FAT4: variants seen among roughly 807,000 people sequenced by gnomAD.
FAT4 encodes the protein protocadherin Fat 4.
In FAT4, 84 loss-of-function variants were observed where a neutral mutation model predicts 303.9. The observed-to-expected ratio is 0.28, with a 90% CI of 0.23 to 0.33. FAT4 has a LOEUF of 0.33. Among genes scored for constraint, FAT4 ranks in the 10% least tolerant of loss-of-function variants. The pLI, the probability that FAT4 is intolerant of heterozygous loss-of-function variation, is 1.00. For synonymous variants in FAT4, 2,307 were observed against 2,298.8 expected (o/e 1.00, Z -0.10); for missense variants, 6,005 against 6,146.8 (o/e 0.98, Z 0.77).
In FAT4 at chr4:125,453,050, G is replaced by A. The variant is rs1022786275; in HGVS notation, c.11800+240G>A. On this transcript the variant is annotated intron_variant, in intron 10 of 17. Coordinates refer to ENST00000394329, the MANE Select transcript of FAT4 (RefSeq NM_001291303.3). ...TTTTCCAGTTTCTATAGGCAAGGAAGTTGAAGTAGAGAGTAAGTAATTAGG... is the reference window on the plus strand; with the variant it reads ...TTTTCCAGTTTCTATAGGCAAGGAAATTGAAGTAGAGAGTAAGTAATTAGG... 3.3e-5 allele frequency among the ~76,000 whole-genome samples: 5 copies of A among 152,296 alleles called. No individual in the cohort carries two copies. The East Asian group carries it at 9.7e-4, about 29-fold the overall frequency.
chr4:125,337,472 C>A (rs1215428128), intron 2 of FAT4, among the ~76,000 whole-genome samples: 2 of 151,870 alleles, frequency 1.3e-5, no homozygotes, highest in Non-Finnish European at 1.5e-5. Flanking sequence ...CCTAAACTTG[C>A]CTCCTAATTA....
intron 2 of FAT4, among the ~76,000 whole-genome samples, chr4:125,397,639 T>G (rs13113598): frequency 6.6e-6 from 1 of 152,146 alleles, no homozygotes; most frequent in Non-Finnish European, 1.5e-5. Context: ...TTATATATTG[T>G]TTTCTATTTT....
chr4:125,411,900 C>T (rs1277434886), intron 5 of FAT4, among the ~76,000 whole-genome samples: 1 of 150,236 alleles, frequency 6.7e-6, no homozygotes, highest in Non-Finnish European at 1.5e-5. Context: ...CATATGTATG[C>T]AATAAAACTG....
chr4:125,335,064 G>A (rs1443906148), intron 2 of FAT4, among the ~76,000 whole-genome samples: 1 of 152,096 alleles, frequency 6.6e-6, no homozygotes, highest in Admixed American at 6.6e-5. Flanking sequence ...CTGTCTTGCT[G>A]GAAAATGAAG....
At chr4:125,397,436 T>C (rs1256655754) in intron 2 of FAT4, among the ~76,000 whole-genome samples, 1 of 152,032 alleles carries the variant, frequency 6.6e-6, no homozygotes, top group Non-Finnish European at 1.5e-5. Flanking sequence ...GTTGTAGTTA[T>C]TGTGGGCATT....
rs538869036 is a variant in FAT4, at chr4:125,439,540, C to T, written c.7199+5115C>T. The stretch of plus-strand genomic sequence containing the variant: ...ATTTTTAGTAGAGATGGGGTTTCAC[C>T]GTGTTAGCCAGGATGGTCTCGATCT... On this transcript the variant is annotated intron_variant, in intron 8 of 17. Coordinates refer to ENST00000394329, the MANE Select transcript of FAT4 (RefSeq NM_001291303.3). 4.7e-4 allele frequency among the ~76,000 whole-genome samples: 72 copies of T among 151,760 alleles called. 1 individual carries two copies. Among genetic ancestry groups the T allele is most frequent in the Admixed American group, 3.5e-3 (54 of 15,248 alleles).
rs750132558 is a variant in FAT4 at position 125,408,642 on chromosome 4, G to C, written c.5768G>C (p.Gly1923Ala). The C allele has an allele frequency of 3.7e-6, 6 of 1,610,664 alleles. No homozygotes were observed. The South Asian group carries it at 6.6e-5, about 18-fold the overall frequency. The change falls in exon 5 of 18, where the codon GGA (glycine) becomes GCA (alanine). Residue 1923 changes from glycine to alanine, a missense_variant. Coordinates refer to ENST00000394329, the MANE Select transcript of FAT4 (RefSeq NM_001291303.3). ...ILTVRAEDGG[G>A]QFTTIRVYFN... ...ACTGTTCGAGCAGAAGATGGTGGGG[G>C]ACAATTTACTACCATCAGAGTTTAT...
chr4:125,484,994 A>C (rs1727358474), intron 16 of FAT4, among the ~76,000 whole-genome samples: 1 of 151,952 alleles, frequency 6.6e-6, no homozygotes, highest in South Asian at 2.1e-4. Context: ...ATGGGACTAC[A>C]GGTGTGCGTA....
At chr4:125,428,375 G>A (rs1205867118) in intron 7 of FAT4, among the ~76,000 whole-genome samples, 1 of 152,168 alleles carries the variant, frequency 6.6e-6, no homozygotes, top group Non-Finnish European at 1.5e-5. Context: ...CAGTCTTAAA[G>A]GCAATGCTAG....
At chr4:125,482,062 A>T (rs1236111663) in intron 16 of FAT4, among the ~76,000 whole-genome samples, 1 of 152,218 alleles carries the variant, frequency 6.6e-6, no homozygotes, top group Non-Finnish European at 1.5e-5. Flanking sequence ...TTTTAGACAA[A>T]GCAAACCAAA....
At chr4:125,427,742 G>A (rs28362020) in intron 7 of FAT4, among the ~76,000 whole-genome samples, 161 of 152,170 alleles carry the variant, frequency 1.1e-3, no homozygotes, top group African/African-American at 3.7e-3. Context: ...CGCTAGTCAG[G>A]GGACCCATTT....
intron 2 of FAT4, among the ~76,000 whole-genome samples, chr4:125,382,722 A>G (rs1733587958): frequency 6.6e-6 from 1 of 152,176 alleles, no homozygotes; most frequent in Admixed American, 6.5e-5. Context: ...TTTCTCCTCT[A>G]TAGCTATGAA....
intron 16 of FAT4, among the ~76,000 whole-genome samples, chr4:125,482,494 C>T (rs1262203167): frequency 6.6e-6 from 1 of 152,018 alleles, no homozygotes; most frequent in East Asian, 1.9e-4. Context: ...CTTTCTTTCC[C>T]ACAAATAAGT....
Position 125,451,172 on chromosome 4 carries a change from A to T in FAT4, c.10162A>T (p.Ile3388Leu). ...CTTTGGCAGCATTAGAGGTGCAGAT[A>T]TAGATGAGGTCACTGTAAATGTCAC... ...KNFGSIRGAD[I>L]DEVTVNVTVL... is the part of the protein sequence containing the mutation. Residue 3388 changes from isoleucine (I) to leucine (L), a missense_variant, in exon 10 of 18, where the codon ATA becomes TTA. By Grantham distance (5) the Ile-to-Leu change is conservative (BLOSUM62 2). Coordinates refer to ENST00000394329, the MANE Select transcript of FAT4 (RefSeq NM_001291303.3). 6.2e-7 allele frequency: 1 copy of T among 1,614,168 alleles called. No homozygotes were observed. Among genetic ancestry groups the T allele is most frequent in the South Asian group, 1.1e-5 (1 of 91,088 alleles).
Position 125,319,777 on chromosome 4 carries a change from A to T in FAT4, c.3366A>T (p.Val1122=). The T allele has an allele frequency of 6.2e-7, 1 of 1,614,242 alleles. No homozygotes were observed. The highest frequency in any genetic ancestry group is 8.5e-7 in the Non-Finnish European group (1 of 1,180,036). The part of the protein sequence containing the change: ...EQRAGSFVGK[V]SAVDKDFGPN... ...GGGCTGGGTCGTTTGTGGGCAAAGTAAGTGCTGTAGATAAAGACTTTGGGC... is the reference window on the plus strand; with the variant it reads ...GGGCTGGGTCGTTTGTGGGCAAAGTTAGTGCTGTAGATAAAGACTTTGGGC... Residue 1122 remains valine (V), a synonymous_variant, in exon 2 of 18, where the codon GTA becomes GTT. Transcript: ENST00000394329.
intron 2 of FAT4, among the ~76,000 whole-genome samples, chr4:125,382,901 C>T (rs1254956445): frequency 6.6e-6 from 1 of 152,156 alleles, no homozygotes; most frequent in East Asian, 1.9e-4. Context: ...ATGGAGATGC[C>T]TTCTTCCCTT....
chr4:125,405,796 C>G (rs566159459), intron 3 of FAT4, among the ~76,000 whole-genome samples: 27 of 152,232 alleles, frequency 1.8e-4, no homozygotes, highest in African/African-American at 6.5e-4. Context: ...GCCACCACGC[C>G]TGGCCACTTG....
chr4:125,358,467 TATAAAGGG>T (rs943475893), intron 2 of FAT4, among the ~76,000 whole-genome samples: 2 of 151,830 alleles, frequency 1.3e-5, no homozygotes, highest in African/African-American at 4.8e-5. Flanking sequence ...CCCATCTGGG[TATAAAGGG>T]ATACAGTGAC....
intron 12 of FAT4, among the ~76,000 whole-genome samples, chr4:125,470,325 T>TC (rs1271566705): frequency 1.3e-5 from 2 of 152,214 alleles, no homozygotes; most frequent in East Asian, 3.9e-4. Flanking sequence ...GGTTTCAATT[T>TC]CAAGACACCA....
Sources: gnomAD v4.1 joint callset for allele counts (sites outside exome capture counted in the v4.1 genomes callset) on GRCh38, gnomAD v4.1.1 for gene constraint, MANE v1.5 for transcripts, NCBI Gene and HGNC (gene_info 2026-07-23, HGNC 2026-07-21) for gene names.